Variants in PCSK1 observed in about 807,000 individuals in gnomAD.
The protein encoded by PCSK1 is neuroendocrine convertase 1.
In PCSK1, 56 loss-of-function variants were observed where a neutral mutation model predicts 90.6. That is an observed-to-expected ratio of 0.62 (90% confidence interval 0.50 to 0.77). The LOEUF (loss-of-function observed/expected upper bound fraction) is 0.77, where lower values mean the gene tolerates loss of function less well. PCSK1 is among the 30% of genes least tolerant of loss of function. The pLI, the probability that PCSK1 is intolerant of heterozygous loss-of-function variation, is 0.00. For missense variants in PCSK1, 801 were observed against 932.6 expected (o/e 0.86, Z 1.84); for synonymous variants, 348 against 342.4 (o/e 1.02, Z -0.18).
chr5:96,395,799 A>C (rs544690953), intron 12 of PCSK1, among the ~76,000 whole-genome samples: 1 of 151,292 alleles, frequency 6.6e-6, no homozygotes, highest in Non-Finnish European at 1.5e-5. Flanking sequence ...ATAAAAAACT[A>C]AATAAAAGAG....
intron 2 of PCSK1, among the ~76,000 whole-genome samples, chr5:96,427,213 A>AT (rs1410708117): frequency 6.6e-6 from 1 of 152,204 alleles, no homozygotes; most frequent in African/African-American, 2.4e-5. Flanking sequence ...ACCAAGAGCA[A>AT]TTTTTTGGAA....
At chr5:96,415,866 A>G (rs1760923262) in intron 6 of PCSK1, among the ~76,000 whole-genome samples, 167 bp downstream of exon 6, 1 of 152,066 alleles carries the variant, frequency 6.6e-6, no homozygotes, top group Admixed American at 6.5e-5. Flanking sequence ...AGGAATCCAT[A>G]TCTATTGACT....
At chr5:96,407,181 A>G (rs549520315) in intron 9 of PCSK1, among the ~76,000 whole-genome samples, 49 of 152,362 alleles carry the variant, frequency 3.2e-4, no homozygotes, top group Non-Finnish European at 6.2e-4. Flanking sequence ...ACTGACAAAC[A>G]TAACTACATA....
intron 9 of PCSK1, 33 bp downstream of exon 9, chr5:96,408,190 T>C (rs1760635009): frequency 6.9e-7 from 1 of 1,459,194 alleles, no homozygotes; most frequent in South Asian, 1.1e-5. Flanking sequence ...AATCAGCCTT[T>C]GTAAAGGTGA....
chr5:96,417,729 A>G (rs1396351887), intron 5 of PCSK1, among the ~76,000 whole-genome samples: 2 of 152,170 alleles, frequency 1.3e-5, no homozygotes, highest in Non-Finnish European at 2.9e-5. Flanking sequence ...TTGTTACTTA[A>G]TCTTTGAGTT....
rs1759927861 is a variant in PCSK1 at position 96,391,247 on chromosome 5, G to T, written c.*1754C>A. ...ACAAATTCAAATGGTAGAAGAGCAG[G>T]TGAAAATTTGTGTTACCAACCATAC... On this transcript the variant is annotated 3_prime_UTR_variant, in exon 14 of 14. Transcript: ENST00000311106. 1 of 152,152 alleles carries T rather than the reference G, an allele frequency of 6.6e-6. No homozygotes were observed. Among genetic ancestry groups the T allele is most frequent in the Non-Finnish European group, 1.5e-5 (1 of 68,028 alleles). The allele number at this position is 152,152 out of a possible 1,614,324, so 9.4% of individuals were successfully genotyped here. A position where few individuals can be genotyped will look rare whatever the true frequency, so the allele number is the denominator to read the frequency against.
intron 5 of PCSK1, among the ~76,000 whole-genome samples, chr5:96,421,005 A>G (rs541173520): frequency 2.0e-4 from 30 of 152,346 alleles, no homozygotes; most frequent in African/African-American, 7.0e-4. Flanking sequence ...TTCTGTGTAG[A>G]GAAAATGAAA....
At chr5:96,420,947 A>G (rs971266211) in intron 5 of PCSK1, among the ~76,000 whole-genome samples, 9 of 152,324 alleles carry the variant, frequency 5.9e-5, no homozygotes, top group South Asian at 2.1e-4. Context: ...ACTTGTAGCA[A>G]CAAGCCCTAA....
chr5:96,401,285 G>A (rs968274650), intron 9 of PCSK1, among the ~76,000 whole-genome samples: 3 of 152,118 alleles, frequency 2.0e-5, no homozygotes, highest in Non-Finnish European at 2.9e-5. Context: ...TTGACAGGGG[G>A]TAGAGTGTTA....
At chr5:96,398,614 A>T (rs1307734656) in intron 11 of PCSK1, among the ~76,000 whole-genome samples, 1 of 152,230 alleles carries the variant, frequency 6.6e-6, no homozygotes, top group African/African-American at 2.4e-5. Context: ...AAAAGTAAAC[A>T]GTTTGAAAAT....
At position 96,397,482 on chromosome 5, in the gene PCSK1, T is replaced by C. The variant is rs1760197113; in HGVS notation, c.1589-13A>G. ...ACAGTGCTAGTTCCTATGAAACAAATACAAGTTAATGAATGTCCTAATAGC... is the reference window on the plus strand; with the variant it reads ...ACAGTGCTAGTTCCTATGAAACAAACACAAGTTAATGAATGTCCTAATAGC... On this transcript the variant is annotated splice_polypyrimidine_tract_variant and intron_variant, in intron 11 of 13. Transcript: ENST00000311106. 6.2e-7 allele frequency: 1 copy of C among 1,609,348 alleles called. No homozygotes were observed. Among genetic ancestry groups the C allele is most frequent in the African/African-American group, 1.3e-5 (1 of 74,808 alleles).
chr5:96,426,689 T>A (rs1052655490), intron 2 of PCSK1, among the ~76,000 whole-genome samples: 1 of 152,212 alleles, frequency 6.6e-6, no homozygotes, highest in Non-Finnish European at 1.5e-5. Context: ...TATACTCTTA[T>A]TTTTCTTGGC....
intron 6 of PCSK1, among the ~76,000 whole-genome samples, chr5:96,412,752 GTTTTTTTTT>G (rs57397343): frequency 2.8e-5 from 2 of 71,832 alleles, no homozygotes; most frequent in South Asian, 5.3e-4. Context: ...CAGCTGTGAT[GTTTTTTTTT>G]TTTTTTTTTT....
intron 10 of PCSK1, among the ~76,000 whole-genome samples, chr5:96,399,745 C>T (rs1760287010): frequency 6.6e-6 from 1 of 152,044 alleles, no homozygotes; most frequent in Admixed American, 6.6e-5. Context: ...GGTAGGTGGA[C>T]TACAAGAGGA....
Position 96,411,250 on chromosome 5 carries a change from A to G in PCSK1, c.883-264T>C, listed in dbSNP as rs112029682. 5.9e-5 allele frequency among the ~76,000 whole-genome samples: 9 copies of G among 152,326 alleles called. 2 individuals carry two copies. Among genetic ancestry groups the G allele is most frequent in the African/African-American group, 2.2e-4 (9 of 41,578 alleles). ...GCTTTTCTTTCTTATGCAGATTCAT[A>G]ATCTAGCGTTTTGCACTTGCTCATA... is the stretch of plus-strand genomic sequence containing the variant. On this transcript the variant is annotated intron_variant, in intron 7 of 13. Transcript: ENST00000311106.
chr5:96,401,181 C>G (rs1760357129), intron 9 of PCSK1, among the ~76,000 whole-genome samples: 1 of 149,690 alleles, frequency 6.7e-6, no homozygotes, highest in Non-Finnish European at 1.5e-5. Context: ...ATATTCATAG[C>G]TTAACGCATT....
chr5:96,429,772 A>G lies in PCSK1; in HGVS notation c.181-455T>C, dbSNP rs562957581. 1.3e-4 allele frequency among the ~76,000 whole-genome samples: 20 copies of G among 152,286 alleles called. No homozygotes were observed. The South Asian group carries it at 4.1e-3, about 32-fold the overall frequency. Reference sequence around the variant, plus strand: ...GCCTCCAGCTCCATCCACATTCTTCATGAAGAAGGCACTGATAGAGGTCTT... The same window carrying G: ...GCCTCCAGCTCCATCCACATTCTTCGTGAAGAAGGCACTGATAGAGGTCTT... On this transcript the variant is annotated intron_variant, in intron 1 of 13. Transcript: ENST00000311106.
chr5:96,417,504 T>G (rs1022527854), intron 5 of PCSK1, among the ~76,000 whole-genome samples: 6 of 151,974 alleles, frequency 3.9e-5, no homozygotes, highest in African/African-American at 1.5e-4. Context: ...GAAACCCCAC[T>G]CTTTCTTGAG....
At chr5:96,406,847 T>C (rs1042695553) in intron 9 of PCSK1, among the ~76,000 whole-genome samples, 1 of 152,220 alleles carries the variant, frequency 6.6e-6, no homozygotes, top group African/African-American at 2.4e-5. Flanking sequence ...TATGCAACCA[T>C]AGCACCTGAC....
Sources: gnomAD v4.1 joint callset for allele counts (sites outside exome capture counted in the v4.1 genomes callset) on GRCh38, gnomAD v4.1.1 for gene constraint, MANE v1.5 for transcripts, NCBI Gene and HGNC (gene_info 2026-07-23, HGNC 2026-07-21) for gene names.